Variants in ZNF384 observed in about 807,000 individuals in gnomAD.
The protein encoded by ZNF384 is zinc finger protein 384.
In ZNF384, 20 loss-of-function variants were observed where a neutral mutation model predicts 65.0. The ratio of observed to expected loss-of-function variants is 0.31; its 90% CI spans 0.22 to 0.45. The LOEUF (loss-of-function observed/expected upper bound fraction) is 0.45, where lower values mean the gene tolerates loss of function less well. Ranked by LOEUF, ZNF384 falls within the 20% of genes least tolerant of loss-of-function variation. ZNF384 has a pLI of 1.00. For synonymous variants in ZNF384, 310 were observed against 303.9 expected, an observed-to-expected ratio of 1.02 and a Z score of -0.21; for missense variants, 549 against 769.4, an observed-to-expected ratio of 0.71 and a Z score of 3.39.
chr12:6,682,850 AACAAC>A (rs1956543929), intron 2 of ZNF384, among the ~76,000 whole-genome samples: 1 of 152,236 alleles, frequency 6.6e-6, no homozygotes, highest in African/African-American at 2.4e-5. Context: ...TAATGAATTG[AACAAC>A]GGTAGACTAC....
intron 1 of ZNF384, 185 bp from the exon 2 acceptor site, chr12:6,688,411 GA>G (rs1172502599): frequency 6.6e-6 from 1 of 152,256 alleles, no homozygotes; most frequent in Non-Finnish European, 1.5e-5. Flanking sequence ...GGATACAAGA[GA>G]AATAAATCCA....
Position 6,667,329 on chromosome 12 carries a change from C to A in ZNF384, c.*385G>T. 1 of 386,806 alleles carries A rather than the reference C, an allele frequency of 2.6e-6. No individual in the cohort carries two copies. The highest frequency in any genetic ancestry group is 4.9e-6 in the Non-Finnish European group (1 of 205,998). The allele number at this position is 386,806 out of a possible 1,614,324, so 24.0% of individuals were successfully genotyped here. ...CCTTTTCTCTGTTATCTGGGAGGGCCAGCCTCTAGTCTTACATCAGCCCAA... is the reference window on the plus strand; with the variant it reads ...CCTTTTCTCTGTTATCTGGGAGGGCAAGCCTCTAGTCTTACATCAGCCCAA... On this transcript the variant is annotated 3_prime_UTR_variant, in exon 12 of 12. Transcript: ENST00000683879.
Position 6,678,437 on chromosome 12 carries a change from G to T in ZNF384, c.376C>A (p.Pro126Thr), listed in dbSNP as rs766952960. 6.3e-7 allele frequency: 1 copy of T among 1,592,822 alleles called. No homozygotes were observed. The highest frequency in any genetic ancestry group is 8.6e-7 in the Non-Finnish European group (1 of 1,169,160). ...SRGPGLVITSPSGSLVTTASS... is the reference protein window; with the variant it reads ...SRGPGLVITSTSGSLVTTASS... ...GCTGTGGTCACAAGAGAGCCTGAGG[G>T]GGACGTGATTACCAAACCCGGACCT... The change falls in exon 6 of 12, where the codon CCC (proline) becomes ACC (threonine). Residue 126 changes from proline (P) to threonine (T), a missense_variant. Transcript: ENST00000683879. The surrounding 1 kb of genome is among the most constrained non-coding windows in gnomAD (Gnocchi z 4.9).
At chr12:6,681,856 A>G (rs1956094483) in intron 2 of ZNF384, among the ~76,000 whole-genome samples, 1 of 152,236 alleles carries the variant, frequency 6.6e-6, no homozygotes, top group Admixed American at 6.5e-5. Flanking sequence ...TGTGACTACA[A>G]CAGCTTCACA....
intron 2 of ZNF384, among the ~76,000 whole-genome samples, 199 bp downstream of exon 2, chr12:6,687,968 C>A (rs183748559): frequency 1.8e-4 from 27 of 152,184 alleles, no homozygotes; most frequent in Admixed American, 8.5e-4. Context: ...TGGGGGATAG[C>A]GCCAACTTTT....
At chr12:6,677,292 C>T (rs1048455080) in intron 6 of ZNF384, 33 bp from the exon 7 acceptor site, 2 of 1,300,218 alleles carry the variant, frequency 1.5e-6, no homozygotes, top group African/African-American at 3.0e-5. Flanking sequence ...CATCTGGGTA[C>T]ACTAAGGAAC....
Position 6,673,482 on chromosome 12 carries a change from G to A in ZNF384, c.780-42C>T. The A allele has an allele frequency of 1.3e-6, 2 of 1,586,688 alleles. No individual in the cohort carries two copies. The highest frequency in any genetic ancestry group is 1.7e-6 in the Non-Finnish European group (2 of 1,160,124). On this transcript the variant is annotated intron_variant, in intron 7 of 11. Transcript: ENST00000683879. This position sits in a 1 kb window ranked among gnomAD's most constrained non-coding sequence, Gnocchi z 4.7. Reference sequence around the variant, plus strand: ...CAATGGTTAGAACCCTTCCCATCAAGAAGGTGTGGCTGAACCCTCCCCTCT... The same window carrying A: ...CAATGGTTAGAACCCTTCCCATCAAAAAGGTGTGGCTGAACCCTCCCCTCT...
chr12:6,678,816 G>A lies in ZNF384; in HGVS notation c.305-106C>T. ...CTAGCACATTGCTAGGCACACAGTA[G>A]GCACTTAATAAAAATTTGATTGAAT... On this transcript the variant is annotated intron_variant, in intron 4 of 11. Transcript: ENST00000683879. This position sits in a 1 kb window ranked among gnomAD's most constrained non-coding sequence, Gnocchi z 4.9. 2 of 1,472,484 alleles carry A rather than the reference G, an allele frequency of 1.4e-6. No individual in the cohort carries two copies. Among genetic ancestry groups the A allele is most frequent in the Non-Finnish European group, 1.9e-6 (2 of 1,058,338 alleles). The allele number at this position is 1,472,484 out of a possible 1,614,324, so 91.2% of individuals were successfully genotyped here.
At position 6,673,521 on chromosome 12, in the gene ZNF384, G is replaced by C. The variant is rs1052133822; in HGVS notation, c.780-81C>G. On this transcript the variant is annotated intron_variant, in intron 7 of 11. Transcript: ENST00000683879. The surrounding 1 kb of genome is among the most constrained non-coding windows in gnomAD (Gnocchi z 4.7). ...ACCCTCCCCTCTACTTCCAAGAGAA[G>C]CCCACCTATCTGAGGTCTCTCCTAC... The C allele has an allele frequency of 2.5e-5, 32 of 1,271,252 alleles. No homozygotes were observed. In the South Asian group the frequency reaches 2.6e-4, roughly 10 times the overall value. 78.7% of individuals were successfully genotyped at this position (1,271,252 alleles called of 1,614,324 possible).
At chr12:6,670,238 A>C (rs1015573914) in intron 10 of ZNF384, among the ~76,000 whole-genome samples, 42 of 151,968 alleles carry the variant, frequency 2.8e-4, no homozygotes, top group African/African-American at 8.5e-4. Context: ...AGACCAGCCT[A>C]GGGAAGATAG....
At position 6,672,442 on chromosome 12, in the gene ZNF384, C is replaced by A; in HGVS notation, c.1095G>T (p.Gln365His). The change falls in exon 9 of 12, where the codon CAG becomes CAT. Residue 365 changes from glutamine to histidine, a missense_variant. Physicochemically the swap from Gln to His is conservative, Grantham distance 24. Coordinates refer to ENST00000683879, the MANE Select transcript of ZNF384 (RefSeq NM_001385745.1). The surrounding 1 kb of genome is among the most constrained non-coding windows in gnomAD (Gnocchi z 4.4). ...KTFANTSYLA[Q>H]HLRIHSGAKP... is the part of the protein sequence containing the mutation. ...TGGCCCCCGAGTGGATACGGAGGTGCTGGGCCAGGTAGGAGGTGTTGGCGA... is the reference window on the plus strand; with the variant it reads ...TGGCCCCCGAGTGGATACGGAGGTGATGGGCCAGGTAGGAGGTGTTGGCGA... 1 of 1,614,166 alleles carries A rather than the reference C, an allele frequency of 6.2e-7. No homozygotes were observed. The highest frequency in any genetic ancestry group is 8.5e-7 in the Non-Finnish European group (1 of 1,180,000).
chr12:6,670,686 T>C, intron 10 of ZNF384, 74 bp downstream of exon 10: 1 of 1,452,570 alleles, frequency 6.9e-7, no homozygotes, highest in Non-Finnish European at 9.7e-7. Flanking sequence ...CTGAAAACAT[T>C]TGAGAACCAC....
At chr12:6,669,878 C>T (rs1258890428) in intron 10 of ZNF384, among the ~76,000 whole-genome samples, 1 of 152,154 alleles carries the variant, frequency 6.6e-6, no homozygotes, top group Non-Finnish European at 1.5e-5. Context: ...GCTGAAATCA[C>T]ACCACTGCAC....
At chr12:6,687,942 T>C (rs1409116479) in intron 2 of ZNF384, among the ~76,000 whole-genome samples, 1 of 152,128 alleles carries the variant, frequency 6.6e-6, no homozygotes, top group African/African-American at 2.4e-5. Context: ...TGAGCATTAG[T>C]AGGAATGGAA....
chr12:6,683,661 CAAA>C (rs550687196), intron 2 of ZNF384, among the ~76,000 whole-genome samples: 63 of 66,684 alleles, frequency 9.4e-4, no homozygotes, highest in African/African-American at 2.4e-3. Flanking sequence ...GACCCTGTCT[CAAA>C]AAAAAAAAAA....
chr12:6,682,411 C>A (rs1365547523), intron 2 of ZNF384, among the ~76,000 whole-genome samples: 2 of 152,026 alleles, frequency 1.3e-5, no homozygotes, highest in African/African-American at 2.4e-5. Flanking sequence ...GTAATCCCAG[C>A]GCTTTGAGAG....
intron 2 of ZNF384, among the ~76,000 whole-genome samples, chr12:6,687,211 G>C (rs565753995): frequency 6.6e-6 from 1 of 152,236 alleles, no homozygotes; most frequent in Non-Finnish European, 1.5e-5. Flanking sequence ...ATGTTACTGG[G>C]AAACATCATC....
intron 2 of ZNF384, among the ~76,000 whole-genome samples, chr12:6,682,079 G>A (rs1020753497): frequency 2.8e-4 from 42 of 149,508 alleles, no homozygotes; most frequent in African/African-American, 1.0e-3. Context: ...ATCACTTGAG[G>A]TCTGGAGTTT....
intron 7 of ZNF384, among the ~76,000 whole-genome samples, chr12:6,676,746 T>C (rs1041564579): frequency 2.6e-5 from 4 of 152,238 alleles, no homozygotes; most frequent in Admixed American, 2.6e-4. Context: ...TGAACTGATA[T>C]ATAAGAGAAT....
Sources: allele counts gnomAD v4.1 joint callset (sites outside exome capture counted in the v4.1 genomes callset), GRCh38; gene constraint gnomAD v4.1.1; non-coding constraint Gnocchi (gnomAD v3.1); transcripts MANE v1.5; gene names NCBI Gene and HGNC (gene_info 2026-07-23, HGNC 2026-07-21).